DOCK2: variants seen among roughly 807,000 people sequenced by gnomAD.
DOCK2 encodes the protein dedicator of cytokinesis 2, also known as dedicator of cytokinesis protein 2.
DOCK2 carries 87 observed loss-of-function variants against 248.9 expected under a neutral mutation model. The observed-to-expected ratio is 0.35, with a 90% CI of 0.29 to 0.42. DOCK2 has a LOEUF of 0.42. DOCK2 is among the 10% of genes least tolerant of loss of function. DOCK2 has a pLI of 1.00. For missense variants in DOCK2, 1,747 were observed against 2,300.2 expected (o/e 0.76, Z 4.92); for synonymous variants, 805 against 821.6 (o/e 0.98, Z 0.35).
At chr5:169,750,659 T>C (rs1763848871) in intron 23 of DOCK2, among the ~76,000 whole-genome samples, 1 of 152,228 alleles carries the variant, frequency 6.6e-6, no homozygotes, top group Admixed American at 6.5e-5. Flanking sequence ...TTTGTTCTCA[T>C]AGATTTCCAC....
chr5:169,726,951 G>A (rs1440864671), intron 22 of DOCK2, among the ~76,000 whole-genome samples: 5 of 151,958 alleles, frequency 3.3e-5, no homozygotes, highest in South Asian at 2.1e-4. Flanking sequence ...AGCCAGGTGC[G>A]GTGGCTACTG....
At chr5:169,961,662 C>T (rs905389032) in intron 27 of DOCK2, among the ~76,000 whole-genome samples, 6 of 151,940 alleles carry the variant, frequency 3.9e-5, no homozygotes, top group African/African-American at 9.7e-5. Context: ...CTAAGAAGGA[C>T]AAGTATAAAG....
chr5:169,805,761 G>A (rs914343762), intron 26 of DOCK2, among the ~76,000 whole-genome samples: 5 of 152,196 alleles, frequency 3.3e-5, no homozygotes, highest in African/African-American at 1.2e-4. Context: ...TCGATACTTA[G>A]GGCTTCAAAG....
intron 27 of DOCK2, among the ~76,000 whole-genome samples, chr5:169,923,391 C>G (rs1173561370): frequency 3.3e-5 from 5 of 152,164 alleles, no homozygotes; most frequent in Non-Finnish European, 7.3e-5. Context: ...CACATTGGCT[C>G]TAGTATAGGA....
intron 9 of DOCK2, among the ~76,000 whole-genome samples, chr5:169,689,973 A>G (rs938101613): frequency 3.9e-5 from 6 of 152,182 alleles, no homozygotes; most frequent in Non-Finnish European, 8.8e-5. Flanking sequence ...AACAAGGGAA[A>G]GAAGGAGATA....
intron 27 of DOCK2, among the ~76,000 whole-genome samples, chr5:169,953,064 C>T (rs529281642): frequency 1.2e-3 from 182 of 152,278 alleles, no homozygotes; most frequent in African/African-American, 4.2e-3. Context: ...TGGCTCATAC[C>T]TGTAATCCCA....
intron 27 of DOCK2, among the ~76,000 whole-genome samples, chr5:169,968,670 A>G (rs562483867): frequency 2.3e-4 from 35 of 152,274 alleles, no homozygotes; most frequent in African/African-American, 8.2e-4. Context: ...AAATCTTCAC[A>G]TTTTTCAATT....
At chr5:169,731,181 A>G (rs941105668) in intron 22 of DOCK2, among the ~76,000 whole-genome samples, 12 of 152,210 alleles carry the variant, frequency 7.9e-5, no homozygotes, top group Admixed American at 6.5e-4. Flanking sequence ...CCACTTCTCA[A>G]TGCTGTGTTA....
intron 22 of DOCK2, among the ~76,000 whole-genome samples, chr5:169,722,025 C>G (rs770448458): frequency 2.0e-5 from 3 of 152,134 alleles, no homozygotes; most frequent in Non-Finnish European, 4.4e-5. Context: ...TGAGTAATTC[C>G]TAAATTATAG....
chr5:169,972,268 C>T (rs1354551801), intron 27 of DOCK2, among the ~76,000 whole-genome samples: 1 of 152,106 alleles, frequency 6.6e-6, no homozygotes, highest in African/African-American at 2.4e-5. Flanking sequence ...CAAACCTTAC[C>T]TATAGCATGC....
intron 25 of DOCK2, among the ~76,000 whole-genome samples, chr5:169,795,075 C>A (rs1006771503): frequency 6.6e-6 from 1 of 152,204 alleles, no homozygotes; most frequent in African/African-American, 2.4e-5. Context: ...GTCAGTCCAC[C>A]CTCCCTGCTG....
intron 51 of DOCK2, 141 bp downstream of exon 51, chr5:170,082,125 G>T: frequency 1.6e-6 from 2 of 1,213,854 alleles, no homozygotes; most frequent in East Asian, 2.5e-5. Context: ...CCTGAGTTCT[G>T]GGACACTGTG....
At chr5:169,838,722 G>T (rs1769754195) in intron 26 of DOCK2, among the ~76,000 whole-genome samples, 1 of 152,154 alleles carries the variant, frequency 6.6e-6, no homozygotes, top group South Asian at 2.1e-4. Flanking sequence ...AGGGGAACTT[G>T]TTTCTGTAAA....
intron 41 of DOCK2, among the ~76,000 whole-genome samples, chr5:170,052,946 T>G (rs1047397768): frequency 1.3e-5 from 2 of 152,244 alleles, no homozygotes; most frequent in Non-Finnish European, 2.9e-5. Flanking sequence ...GAGTTCTTAA[T>G]GCTCTCTTCT....
At chr5:169,672,273 G>A (rs1047824817) in intron 5 of DOCK2, among the ~76,000 whole-genome samples, 8 of 152,154 alleles carry the variant, frequency 5.3e-5, no homozygotes, top group African/African-American at 1.4e-4. Context: ...CTTCCAAAGT[G>A]CTGAGATTAC....
At chr5:170,025,763 C>A (rs1434007900) in intron 33 of DOCK2, among the ~76,000 whole-genome samples, 1 of 131,492 alleles carries the variant, frequency 7.6e-6, no homozygotes, top group Admixed American at 7.4e-5. Context: ...GTGTCTGTTC[C>A]CTCCCTCCCT....
chr5:169,864,633 C>T (rs538974783), intron 27 of DOCK2, among the ~76,000 whole-genome samples: 21 of 152,302 alleles, frequency 1.4e-4, no homozygotes, highest in Non-Finnish European at 2.4e-4. Flanking sequence ...CTCTGAACCT[C>T]TAGTTCTTCA....
intron 29 of DOCK2, among the ~76,000 whole-genome samples, chr5:169,992,312 G>A (rs1418783756): frequency 1.3e-5 from 2 of 152,192 alleles, no homozygotes; most frequent in Non-Finnish European, 2.9e-5. Flanking sequence ...CTATACAGCC[G>A]CTAAGCAACA....
At chr5:169,751,210 G>T in intron 23 of DOCK2, among the ~76,000 whole-genome samples, 1 of 152,190 alleles carries the variant, frequency 6.6e-6, no homozygotes, top group Non-Finnish European at 1.5e-5. Context: ...TTTTACTAGT[G>T]AGGATTCAGA....
Sources: allele counts gnomAD v4.1 joint callset (sites outside exome capture counted in the v4.1 genomes callset), GRCh38; gene constraint gnomAD v4.1.1; transcripts MANE v1.5; gene names NCBI Gene and HGNC (gene_info 2026-07-23, HGNC 2026-07-21).